The following SLC44A1 variants were observed in gnomAD, a reference collection of about 807,000 sequenced individuals.
SLC44A1 encodes choline transporter-like protein 1.
A neutral mutation model predicts 79.3 loss-of-function variants in SLC44A1; 26 were observed. The ratio of observed to expected loss-of-function variants is 0.33; its 90% CI spans 0.24 to 0.46. The LOEUF is 0.46. Among genes scored for constraint, SLC44A1 ranks in the 20% least tolerant of loss-of-function variants. The probability of loss-of-function intolerance (pLI) is 1.00; values close to 1 mark genes in which losing one functional copy is unlikely to be tolerated. For missense variants in SLC44A1, 688 were observed against 798.1 expected, an observed-to-expected ratio of 0.86 and a Z score of 1.66; for synonymous variants, 263 against 286.2, an observed-to-expected ratio of 0.92 and a Z score of 0.82.
At position 105,395,699 on chromosome 9, in the gene SLC44A1, C is replaced by G; in HGVS notation, c.*6643C>G. 1.0e-6 allele frequency: 1 copy of G among 985,280 alleles called. No individual in the cohort carries two copies. Among genetic ancestry groups the G allele is most frequent in the Non-Finnish European group, 1.2e-6 (1 of 829,852 alleles). The allele number at this position is 985,280 out of a possible 1,614,324, so 61.0% of individuals were successfully genotyped here. On this transcript the variant is annotated 3_prime_UTR_variant, in exon 16 of 16. Transcript: ENST00000374720. ...ACCTTCGTGTATGAATCTGATCCAC[C>G]CATCCTGTCAGCTAGGATTATAATT...
intron 3 of SLC44A1, among the ~76,000 whole-genome samples, chr9:105,324,429 T>G (rs1332794587): frequency 6.6e-6 from 1 of 151,850 alleles, no homozygotes; most frequent in Non-Finnish European, 1.5e-5. Context: ...TTTTGTATTT[T>G]TTTTGTAGAG....
intron 15 of SLC44A1, among the ~76,000 whole-genome samples, chr9:105,415,872 AT>A (rs1829163318): frequency 6.8e-6 from 1 of 146,246 alleles, no homozygotes; most frequent in Non-Finnish European, 1.5e-5. Context: ...CAACTTTTGG[AT>A]ATTCTCTGAA....
chr9:105,274,749 G>A (rs1027809854), intron 1 of SLC44A1, among the ~76,000 whole-genome samples: 1 of 152,156 alleles, frequency 6.6e-6, no homozygotes, highest in African/African-American at 2.4e-5. Context: ...ATATGTAGTG[G>A]TATGTATTTT....
intron 15 of SLC44A1, among the ~76,000 whole-genome samples, chr9:105,413,275 G>A (rs1252192640): frequency 6.6e-6 from 1 of 152,116 alleles, no homozygotes; most frequent in African/African-American, 2.4e-5. Flanking sequence ...TTAGCAAAAT[G>A]CCTTACTAAA....
rs888054099 is a variant in SLC44A1, at chr9:105,394,119, G to A, written c.*5063G>A. Reference sequence around the variant, plus strand: ...TCATAGAATTTCAGGGCCCTCAGACGGCCAGCTTCCACCCCTGTACCCCCT... The same window carrying A: ...TCATAGAATTTCAGGGCCCTCAGACAGCCAGCTTCCACCCCTGTACCCCCT... On this transcript the variant is annotated 3_prime_UTR_variant, in exon 16 of 16. Transcript: ENST00000374720. The A allele has an allele frequency of 1.5e-5, 15 of 985,218 alleles. No homozygotes were observed. The African/African-American group carries it at 1.6e-4, about 10-fold the overall frequency. The allele number at this position is 985,218 out of a possible 1,614,324, so 61.0% of individuals were successfully genotyped here.
chr9:105,276,402 A>G (rs1370862051), intron 1 of SLC44A1, among the ~76,000 whole-genome samples: 1 of 152,174 alleles, frequency 6.6e-6, no homozygotes, highest in Non-Finnish European at 1.5e-5. Flanking sequence ...TGAGATTTCT[A>G]TGCCCTAGGA....
chr9:105,407,696 C>G (rs530260123), intron 15 of SLC44A1, among the ~76,000 whole-genome samples: 1 of 151,888 alleles, frequency 6.6e-6, no homozygotes, highest in South Asian at 2.1e-4. Flanking sequence ...ATGAGGAAGC[C>G]TTGTCTATAC....
At chr9:105,306,727 A>AC (rs35455036) in intron 2 of SLC44A1, among the ~76,000 whole-genome samples, 1,898 of 152,236 alleles carry the variant, frequency 0.012, 13 homozygotes, top group Non-Finnish European at 0.019. Context: ...TTATGATGAT[A>AC]AAGAAAAAAA....
rs929294395 is a variant in SLC44A1 at position 105,394,110 on chromosome 9, C to T, written c.*5054C>T. 7.2e-5 allele frequency: 71 copies of T among 985,270 alleles called. No homozygotes were observed. The highest frequency in any genetic ancestry group is 2.2e-5 in the Non-Finnish European group (18 of 829,946). 61.0% of individuals were successfully genotyped at this position (985,270 alleles called of 1,614,324 possible). The stretch of plus-strand genomic sequence containing the variant: ...TCAAAATGCTCATAGAATTTCAGGG[C>T]CCTCAGACGGCCAGCTTCCACCCCT... On this transcript the variant is annotated 3_prime_UTR_variant, in exon 16 of 16. Transcript: ENST00000374720.
chr9:105,276,565 CGTGTGTGTGTGTGTGTGT>C (rs60259632), intron 1 of SLC44A1, among the ~76,000 whole-genome samples: 57 of 118,894 alleles, frequency 4.8e-4, no homozygotes, highest in Non-Finnish European at 5.7e-4. Flanking sequence ...GATGGGGAGC[CGTGTGTGTGTGTGTGTGT>C]GTGTGTGTGT....
chr9:105,332,251 C>G (rs1826776362), intron 3 of SLC44A1, among the ~76,000 whole-genome samples: 1 of 151,702 alleles, frequency 6.6e-6, no homozygotes, highest in Non-Finnish European at 1.5e-5. Context: ...TCCCAAGTAG[C>G]TGGAATTACA....
At chr9:105,269,970 A>G (rs1830041806) in intron 1 of SLC44A1, among the ~76,000 whole-genome samples, 1 of 152,212 alleles carries the variant, frequency 6.6e-6, no homozygotes. Context: ...TTACTCACCT[A>G]CTAGAGCTTC....
At chr9:105,346,948 G>A (rs549677004) in intron 4 of SLC44A1, among the ~76,000 whole-genome samples, 2 of 152,194 alleles carry the variant, frequency 1.3e-5, no homozygotes, top group African/African-American at 4.8e-5. Flanking sequence ...ACTCATTTCA[G>A]TATGCTATTA....
At chr9:105,257,600 T>C (rs561233884) in intron 1 of SLC44A1, among the ~76,000 whole-genome samples, 2 of 152,140 alleles carry the variant, frequency 1.3e-5, no homozygotes, top group Admixed American at 1.3e-4. Context: ...AGAGGCTAAA[T>C]TGGGTGGCAA....
intron 5 of SLC44A1, among the ~76,000 whole-genome samples, chr9:105,350,157 T>C (rs1164398121): frequency 6.6e-6 from 1 of 152,228 alleles, no homozygotes; most frequent in Non-Finnish European, 1.5e-5. Context: ...GTGTTTATGC[T>C]GTGTTTAAAG....
chr9:105,365,546 C>T lies in SLC44A1; in HGVS notation c.1317C>T (p.His439=). ...CAGTAAATCGCCTTATTCGTTACCA[C>T]CTAGGTACGGTGGCAAAAGGATCTT... is the stretch of plus-strand genomic sequence containing the variant. ...LASVNRLIRY[H]LGTVAKGSFI... The change falls in exon 11 of 16, where the codon CAC becomes CAT. Residue 439 remains histidine, a synonymous_variant. Coordinates refer to ENST00000374720, the MANE Select transcript of SLC44A1 (RefSeq NM_080546.5). 3 of 1,613,336 alleles carry T rather than the reference C, an allele frequency of 1.9e-6. No homozygotes were observed. The highest frequency in any genetic ancestry group is 2.5e-6 in the Non-Finnish European group (3 of 1,179,350).
rs1401446054 is a variant in SLC44A1 at position 105,392,382 on chromosome 9, A to T, written c.*3326A>T. 2.6e-6 allele frequency: 2 copies of T among 759,344 alleles called. No homozygotes were observed. Among genetic ancestry groups the T allele is most frequent in the Non-Finnish European group, 3.2e-6 (2 of 634,696 alleles). 47.0% of individuals were successfully genotyped at this position (759,344 alleles called of 1,614,324 possible). The stretch of plus-strand genomic sequence containing the variant: ...TGCTAGAAATGTTTTTCTTTTGTAG[A>T]GATGCTCTCTCTCTCTCTCTCTTTT... On this transcript the variant is annotated 3_prime_UTR_variant, in exon 16 of 16. Coordinates refer to ENST00000374720, the MANE Select transcript of SLC44A1 (RefSeq NM_080546.5).
intron 1 of SLC44A1, among the ~76,000 whole-genome samples, chr9:105,283,719 C>A (rs1026325404): frequency 6.6e-6 from 1 of 152,146 alleles, no homozygotes; most frequent in African/African-American, 2.4e-5. Context: ...AATCCAATCC[C>A]AATATGTGCG....
chr9:105,429,776 G>A (rs1399260609), intron 15 of SLC44A1, among the ~76,000 whole-genome samples: 2 of 152,050 alleles, frequency 1.3e-5, no homozygotes, highest in Non-Finnish European at 2.9e-5. Context: ...CAAATACGGA[G>A]AAGCCTTTTA....
Sources: allele counts gnomAD v4.1 joint callset (sites outside exome capture counted in the v4.1 genomes callset), GRCh38; gene constraint gnomAD v4.1.1; transcripts MANE v1.5; gene names NCBI Gene and HGNC (gene_info 2026-07-23, HGNC 2026-07-21).